DPP10: variants seen among roughly 807,000 people sequenced by gnomAD.
DPP10 encodes the protein dipeptidyl peptidase like 10, also known as inactive dipeptidyl peptidase 10.
A neutral mutation model predicts 120.9 loss-of-function variants in DPP10; 33 were observed. The observed-to-expected ratio is 0.27, with a 90% confidence interval of 0.21 to 0.37. The LOEUF (loss-of-function observed/expected upper bound fraction) is 0.37. Among genes scored for constraint, DPP10 ranks in the 10% least tolerant of loss-of-function variants. DPP10 has a pLI of 1.00. For missense variants in DPP10, 816 were observed against 942.8 expected, an observed-to-expected ratio of 0.87 and a Z score of 1.76; for synonymous variants, 337 against 326.1, an observed-to-expected ratio of 1.03 and a Z score of -0.36.
chr2:115,444,393 A>G (rs910405980), intron 3 of DPP10, among the ~76,000 whole-genome samples: 2 of 152,240 alleles, frequency 1.3e-5, no homozygotes, highest in South Asian at 2.1e-4. Context: ...ATCTTTGAAC[A>G]TAATTAAGAA....
intron 1 of DPP10, among the ~76,000 whole-genome samples, chr2:114,840,210 T>A (rs1688051594): frequency 6.6e-6 from 1 of 152,156 alleles, no homozygotes; most frequent in African/African-American, 2.4e-5. Flanking sequence ...GATTAGGGAT[T>A]GAATATGTGG....
intron 3 of DPP10, among the ~76,000 whole-genome samples, chr2:115,498,805 G>A (rs992126295): frequency 2.0e-5 from 3 of 151,400 alleles, no homozygotes; most frequent in South Asian, 4.2e-4. Context: ...TTGTTAAGAT[G>A]TTTTAATTTT....
chr2:114,905,528 G>A (rs986999516), intron 1 of DPP10, among the ~76,000 whole-genome samples: 1 of 151,836 alleles, frequency 6.6e-6, no homozygotes, highest in South Asian at 2.1e-4. Flanking sequence ...TTTGTTATCT[G>A]GGTAAACTTG....
chr2:115,266,902 G>C (rs141223738), intron 1 of DPP10, among the ~76,000 whole-genome samples: 152 of 152,122 alleles, frequency 1.0e-3, no homozygotes, highest in East Asian at 4.5e-3. Flanking sequence ...TATTCATTTT[G>C]GGGGGGAGAA....
At chr2:114,834,667 C>A (rs919303462) in intron 1 of DPP10, among the ~76,000 whole-genome samples, 2 of 110,714 alleles carry the variant, frequency 1.8e-5, no homozygotes, top group African/African-American at 8.1e-5. Context: ...TATATATAGG[C>A]CATATCTACA....
intron 7 of DPP10, among the ~76,000 whole-genome samples, chr2:115,717,374 T>C (rs35900854): frequency 0.13 from 19,144 of 151,924 alleles, 1,383 homozygotes; most frequent in Non-Finnish European, 0.16. Context: ...AAACTTAAAG[T>C]ATAATAAAAA....
At chr2:114,502,249 A>C (rs1370112836) in intron 1 of DPP10, among the ~76,000 whole-genome samples, 1 of 152,152 alleles carries the variant, frequency 6.6e-6, no homozygotes, top group Non-Finnish European at 1.5e-5. Flanking sequence ...CACTGCACCC[A>C]GCCAAAAGAC....
rs1690546211 is a variant in DPP10, at chr2:115,845,536, T to C, written c.*3191T>C. On this transcript the variant is annotated 3_prime_UTR_variant, in exon 26 of 26. Transcript: ENST00000410059. ...AGACTCTGTGGGCCGCAGAAGCCCA[T>C]AGCTGCATACCCTTCTATTTTCCTC... 6.6e-6 allele frequency: 1 copy of C among 152,208 alleles called. No individual in the cohort carries two copies. The allele number at this position is 152,208 out of a possible 1,614,324, so 9.4% of individuals were successfully genotyped here.
chr2:114,472,965 T>C (rs544201404), intron 1 of DPP10, among the ~76,000 whole-genome samples: 8 of 152,270 alleles, frequency 5.3e-5, no homozygotes, highest in South Asian at 4.1e-4. Flanking sequence ...GATTCCAACT[T>C]AGAGTGCCTC....
chr2:114,911,041 A>C (rs1161440261), intron 1 of DPP10, among the ~76,000 whole-genome samples: 1 of 152,172 alleles, frequency 6.6e-6, no homozygotes, highest in Non-Finnish European at 1.5e-5. Flanking sequence ...GTACTCTTAA[A>C]TGAAGCAAGA....
chr2:115,032,697 A>G (rs1402424311), intron 1 of DPP10, among the ~76,000 whole-genome samples: 1 of 151,760 alleles, frequency 6.6e-6, no homozygotes, highest in Non-Finnish European at 1.5e-5. Flanking sequence ...CCTGGCCAAC[A>G]TGGCGAAACC....
At chr2:115,015,910 C>T (rs1702600003) in intron 1 of DPP10, among the ~76,000 whole-genome samples, 1 of 152,072 alleles carries the variant, frequency 6.6e-6, no homozygotes, top group South Asian at 2.1e-4. Flanking sequence ...ATATTGTGAA[C>T]ATGGCCATAC....
intron 1 of DPP10, among the ~76,000 whole-genome samples, chr2:114,735,327 C>G (rs1677316279): frequency 6.6e-6 from 1 of 152,126 alleles, no homozygotes; most frequent in Admixed American, 6.6e-5. Context: ...AGCTTTGGCA[C>G]CAGCGAATTT....
At chr2:115,307,854 T>G (rs569978459) in intron 1 of DPP10, among the ~76,000 whole-genome samples, 5 of 152,240 alleles carry the variant, frequency 3.3e-5, no homozygotes, top group African/African-American at 1.2e-4. Flanking sequence ...CTGTATTGAT[T>G]TACGTGGAAA....
chr2:114,853,205 G>A (rs1689106496), intron 1 of DPP10, among the ~76,000 whole-genome samples: 1 of 152,148 alleles, frequency 6.6e-6, no homozygotes, highest in South Asian at 2.1e-4. Context: ...CGCTTTCTTG[G>A]ATATTGGAAA....
At chr2:114,886,457 A>G (rs1410593487) in intron 1 of DPP10, among the ~76,000 whole-genome samples, 1 of 152,216 alleles carries the variant, frequency 6.6e-6, no homozygotes, top group Non-Finnish European at 1.5e-5. Context: ...TTAAAACCCC[A>G]TAATAGTGCC....
intron 1 of DPP10, among the ~76,000 whole-genome samples, chr2:115,024,100 C>A (rs1703275722): frequency 6.6e-6 from 1 of 152,058 alleles, no homozygotes; most frequent in South Asian, 2.1e-4. Context: ...TCAGAAATCA[C>A]TGCTAAGGAA....
intron 1 of DPP10, among the ~76,000 whole-genome samples, chr2:114,870,065 T>C (rs1251274452): frequency 6.6e-6 from 1 of 152,204 alleles, no homozygotes; most frequent in African/African-American, 2.4e-5. Context: ...TATCTCTATT[T>C]GATAGTTTTC....
intron 3 of DPP10, among the ~76,000 whole-genome samples, chr2:115,356,627 T>C (rs905690996): frequency 6.6e-6 from 1 of 152,108 alleles, no homozygotes; most frequent in Non-Finnish European, 1.5e-5. Context: ...TCCTTGTTTT[T>C]AACCAGTTTT....
Sources: allele counts gnomAD v4.1 joint callset (sites outside exome capture counted in the v4.1 genomes callset), GRCh38; gene constraint gnomAD v4.1.1; transcripts MANE v1.5; gene names NCBI Gene and HGNC (gene_info 2026-07-23, HGNC 2026-07-21).